The following POLR2G variants were observed in gnomAD, a reference collection of about 807,000 sequenced individuals.
POLR2G encodes RNA polymerase II subunit G, also known as DNA-directed RNA polymerase II subunit RPB7.
In POLR2G, 19 loss-of-function variants were observed where a neutral mutation model predicts 25.7. The observed-to-expected ratio is 0.74, with a 90% CI of 0.52 to 1.08. POLR2G has a LOEUF of 1.08. POLR2G is among the 50% of genes least tolerant of loss of function. The probability of loss-of-function intolerance (pLI) is 0.00; values close to 1 mark genes in which losing one functional copy is unlikely to be tolerated. For synonymous variants in POLR2G, 79 were observed against 76.0 expected (o/e 1.04, Z -0.21); for missense variants, 123 against 218.5 (o/e 0.56, Z 2.76).
At chr11:62,762,773 G>C in intron 2 of POLR2G, 94 bp from the exon 3 acceptor site, 3 of 1,000,846 alleles carry the variant, frequency 3.0e-6, no homozygotes, top group Non-Finnish European at 4.6e-6. Flanking sequence ...TGCTCTCCCC[G>C]ACCCTACCCC....
At chr11:62,762,039 C>T in intron 2 of POLR2G, 135 bp downstream of exon 2, 1 of 659,026 alleles carries the variant, frequency 1.5e-6, no homozygotes, top group Non-Finnish European at 2.7e-6. Flanking sequence ...CAGCCAGTTG[C>T]TTCCTGCTTT....
chr11:62,766,170 C>A, intron 6 of POLR2G, 73 bp from the exon 7 acceptor site: 1 of 1,250,324 alleles, frequency 8.0e-7, no homozygotes, highest in South Asian at 1.2e-5. Context: ...GGGCAGAAGG[C>A]CTGGGGCTGC....
chr11:62,761,982 C>T (rs952388179), intron 2 of POLR2G, 78 bp downstream of exon 2: 3 of 1,030,736 alleles, frequency 2.9e-6, no homozygotes, highest in Admixed American at 1.8e-5. Context: ...CTCCCCAACT[C>T]CTACTCGTCC....
chr11:62,763,126 T>TA, intron 3 of POLR2G, 100 bp downstream of exon 3: 2 of 524,200 alleles, frequency 3.8e-6, no homozygotes, highest in Non-Finnish European at 6.1e-6. Flanking sequence ...CTAAGTCACT[T>TA]CACTTTTTTT....
In POLR2G at chr11:62,765,165, A is replaced by G. The variant is rs997074284; in HGVS notation, c.283-17A>G. On this transcript the variant is annotated splice_polypyrimidine_tract_variant and intron_variant, in intron 3 of 7. Coordinates refer to ENST00000301788, the MANE Select transcript of POLR2G (RefSeq NM_002696.3). ...AGCCACCGTGCACGGCCGTAAGATC[A>G]CTCATTTTTTTTCTAGGTTGGACTC... The G allele has an allele frequency of 3.1e-6, 5 of 1,611,920 alleles. No homozygotes were observed. The highest frequency in any genetic ancestry group is 4.2e-6 in the Non-Finnish European group (5 of 1,179,114).
intron 3 of POLR2G, among the ~76,000 whole-genome samples, chr11:62,763,475 T>C (rs2084099346): frequency 6.6e-6 from 1 of 151,528 alleles, no homozygotes; most frequent in African/African-American, 2.4e-5. Flanking sequence ...TTTGTATTTT[T>C]AGTACAGACG....
chr11:62,765,483 T>G (rs2084111000), intron 5 of POLR2G, 78 bp downstream of exon 5: 1 of 1,229,368 alleles, frequency 8.1e-7, no homozygotes, highest in African/African-American at 1.5e-5. Flanking sequence ...TGGGGATGGC[T>G]GAGTACAGAT....
At chr11:62,762,098 C>G in intron 2 of POLR2G, 194 bp downstream of exon 2, 1 of 590,714 alleles carries the variant, frequency 1.7e-6, no homozygotes, top group Non-Finnish European at 3.0e-6. Context: ...ACTTCCTTCT[C>G]TCAGCTGAGA....
chr11:62,765,735 TC>T lies in POLR2G; in HGVS notation c.471+15del. 1 of 1,516,944 alleles carries T rather than the reference TC, an allele frequency of 6.6e-7. No homozygotes were observed. The highest frequency in any genetic ancestry group is 9.2e-7 in the Non-Finnish European group (1 of 1,091,612). 94.0% of individuals were successfully genotyped at this position (1,516,944 alleles called of 1,614,324 possible). A position where few individuals can be genotyped will look rare whatever the true frequency, so the allele number is the denominator to read the frequency against. Reference sequence around the variant, plus strand: ...GACAAGAATGACATTGTGAGTCTTTTCCCCACCTCTCTACCTATACCAGGTT... The same window carrying T: ...GACAAGAATGACATTGTGAGTCTTTTCCCACCTCTCTACCTATACCAGGTT... On this transcript the variant is annotated intron_variant, in intron 6 of 7. Transcript: ENST00000301788.
chr11:62,765,282 T>G (rs768939567), intron 4 of POLR2G, 50 bp downstream of exon 4: 19 of 1,605,594 alleles, frequency 1.2e-5, no homozygotes, highest in Non-Finnish European at 1.5e-5. Flanking sequence ...TACTCATTCA[T>G]CACCATCTAT....
At chr11:62,765,956 T>A (rs946750312) in intron 6 of POLR2G, among the ~76,000 whole-genome samples, 1 of 151,786 alleles carries the variant, frequency 6.6e-6, no homozygotes, top group Non-Finnish European at 1.5e-5. Context: ...CCTGGCTAAT[T>A]TTTTATATTT....
In POLR2G at chr11:62,761,622, C is replaced by T; in HGVS notation, c.-27C>T. 6.2e-7 allele frequency: 1 copy of T among 1,603,474 alleles called. No individual in the cohort carries two copies. Among genetic ancestry groups the T allele is most frequent in the Non-Finnish European group, 8.5e-7 (1 of 1,174,454 alleles). ...TCCCAGGGACTGTCGGAGGTGTGGA[C>T]TCTGCCTGCCTACCTGGTCTGGGAA... is the stretch of plus-strand genomic sequence containing the variant. On this transcript the variant is annotated 5_prime_UTR_variant, in exon 1 of 8. Coordinates refer to ENST00000301788, the MANE Select transcript of POLR2G (RefSeq NM_002696.3).
chr11:62,761,811 A>C lies in POLR2G; in HGVS notation c.29A>C (p.Glu10Ala). The C allele has an allele frequency of 1.2e-6, 2 of 1,614,042 alleles. No homozygotes were observed. The highest frequency in any genetic ancestry group is 2.2e-5 in the South Asian group (2 of 91,082). Residue 10 changes from glutamate to alanine, a missense_variant, in exon 2 of 8, where the codon GAA becomes GCA. Transcript: ENST00000301788. Reference sequence around the variant, plus strand: ...TCTCCGCAGATCTCCCTAGAGCACGAAATCCTGCTGCACCCGCGCTACTTC... The same window carrying C: ...TCTCCGCAGATCTCCCTAGAGCACGCAATCCTGCTGCACCCGCGCTACTTC... MFYHISLEH[E>A]ILLHPRYFGP...
At chr11:62,763,788 G>A (rs2084101201) in intron 3 of POLR2G, among the ~76,000 whole-genome samples, 1 of 151,146 alleles carries the variant, frequency 6.6e-6, no homozygotes, top group African/African-American at 2.4e-5. Flanking sequence ...CTGTTGCCAG[G>A]CTGGAGTGCA....
In POLR2G at chr11:62,765,742, C is replaced by T; in HGVS notation, c.471+18C>T. On this transcript the variant is annotated intron_variant, in intron 6 of 7. Coordinates refer to ENST00000301788, the MANE Select transcript of POLR2G (RefSeq NM_002696.3). ...ATGACATTGTGAGTCTTTTCCCCAC[C>T]TCTCTACCTATACCAGGTTGAGCTG... 2 of 1,466,908 alleles carry T rather than the reference C, an allele frequency of 1.4e-6. No homozygotes were observed. Among genetic ancestry groups the T allele is most frequent in the Middle Eastern group, 3.5e-4 (2 of 5,638 alleles). 90.9% of individuals were successfully genotyped at this position (1,466,908 alleles called of 1,614,324 possible). A position where few individuals can be genotyped will look rare whatever the true frequency, so the allele number is the denominator to read the frequency against.
In POLR2G at chr11:62,766,056, G is replaced by A. The variant is rs188851895; in HGVS notation, c.472-187G>A. ...CCCGACTCGGCCTCCCAAAGTGCTG[G>A]GATTACAGGTGTGAGCCACCGCGCC... On this transcript the variant is annotated intron_variant, in intron 6 of 7. Coordinates refer to ENST00000301788, the MANE Select transcript of POLR2G (RefSeq NM_002696.3). 5.3e-4 allele frequency among the ~76,000 whole-genome samples: 81 copies of A among 152,166 alleles called. 2 individuals are homozygous for A. The East Asian group carries it at 0.014, about 26-fold the overall frequency.
chr11:62,762,406 T>C (rs1236929750), intron 2 of POLR2G: 1 of 291,470 alleles, frequency 3.4e-6, no homozygotes, highest in African/African-American at 2.2e-5. Flanking sequence ...TTTGACCATC[T>C]CTGGGCTTTG....
At position 62,761,962 on chromosome 11, in the gene POLR2G, C is replaced by T. The variant is rs948150836; in HGVS notation, c.122+58C>T. 3 of 1,219,036 alleles carry T rather than the reference C, an allele frequency of 2.5e-6. No individual in the cohort carries two copies. In the African/African-American group the frequency reaches 4.4e-5, roughly 18 times the overall value. 75.5% of individuals were successfully genotyped at this position (1,219,036 alleles called of 1,614,324 possible). A position where few individuals can be genotyped will look rare whatever the true frequency, so the allele number is the denominator to read the frequency against. The stretch of plus-strand genomic sequence containing the variant: ...TTCGATGCGCACACGGGGCGCTATA[C>T]CTGCAACCCCTCCCCAACTCCTACT... On this transcript the variant is annotated intron_variant, in intron 2 of 7. Coordinates refer to ENST00000301788, the MANE Select transcript of POLR2G (RefSeq NM_002696.3).
At chr11:62,763,142 T>G (rs2084097343) in intron 3 of POLR2G, 116 bp downstream of exon 3, 2 of 629,518 alleles carry the variant, frequency 3.2e-6, no homozygotes, top group Non-Finnish European at 5.0e-6. Flanking sequence ...TTTTTTTTTT[T>G]TTTTTTTTTT....
Sources: allele counts gnomAD v4.1 joint callset (sites outside exome capture counted in the v4.1 genomes callset), GRCh38; gene constraint gnomAD v4.1.1; transcripts MANE v1.5; gene names NCBI Gene and HGNC (gene_info 2026-07-23, HGNC 2026-07-21).